PLEKHG7: variants seen among roughly 807,000 people sequenced by gnomAD.
PLEKHG7 encodes pleckstrin homology and RhoGEF domain containing G7.
Under a neutral mutation model 85.2 loss-of-function variants are expected in PLEKHG7, and 77 were observed. The observed-to-expected ratio is 0.90, with a 90% CI of 0.75 to 1.09. The LOEUF (loss-of-function observed/expected upper bound fraction) is 1.09, where lower values mean the gene tolerates loss of function less well. Ranked by LOEUF, PLEKHG7 falls within the 50% of genes least tolerant of loss-of-function variation. The pLI is 0.00. For synonymous variants in PLEKHG7, 301 were observed against 302.4 expected (o/e 1.00, Z 0.05); for missense variants, 777 against 804.3 (o/e 0.97, Z 0.41).
chr12:92,735,602 T>C (rs1424695154), intron 5 of PLEKHG7, among the ~76,000 whole-genome samples: 2 of 152,234 alleles, frequency 1.3e-5, no homozygotes, highest in Admixed American at 6.5e-5. Context: ...GCCTTGCACA[T>C]TGTTATTTGA....
In PLEKHG7 at chr12:92,739,675, A is replaced by C. The variant is rs149031399; in HGVS notation, c.940-1178A>C. On this transcript the variant is annotated intron_variant, in intron 7 of 16. Transcript: ENST00000344636. ...TTTCCAAAAGTGCTTATGAATTAAA[A>C]ATTTGTAACTCATATAATAAATATA... 7.3e-3 allele frequency among the ~76,000 whole-genome samples: 1,116 copies of C among 152,344 alleles called. 16 individuals carry two copies. The highest frequency in any genetic ancestry group is 0.026 in the African/African-American group (1,067 of 41,572).
chr12:92,728,976 T>G lies in PLEKHG7; in HGVS notation c.531-17T>G. On this transcript the variant is annotated splice_polypyrimidine_tract_variant and intron_variant, in intron 3 of 16. Coordinates refer to ENST00000344636, the MANE Select transcript of PLEKHG7 (RefSeq NM_001377329.1). Reference sequence around the variant, plus strand: ...ATGATATTTCGGTGTGGTTTTCCTTTTATCTCTTGAGCACAGGTTCTACGA... The same window carrying G: ...ATGATATTTCGGTGTGGTTTTCCTTGTATCTCTTGAGCACAGGTTCTACGA... 8.1e-7 allele frequency: 1 copy of G among 1,231,316 alleles called. No homozygotes were observed. Among genetic ancestry groups the G allele is most frequent in the Non-Finnish European group, 1.0e-6 (1 of 987,314 alleles). 76.3% of individuals were successfully genotyped at this position (1,231,316 alleles called of 1,614,324 possible). A position where few individuals can be genotyped will look rare whatever the true frequency, so the allele number is the denominator to read the frequency against.
In PLEKHG7 at chr12:92,770,208, A is replaced by G; in HGVS notation, c.*13A>G. 6.6e-7 allele frequency: 1 copy of G among 1,520,166 alleles called. No individual in the cohort carries two copies. Among genetic ancestry groups the G allele is most frequent in the Non-Finnish European group, 9.0e-7 (1 of 1,105,060 alleles). The allele number at this position is 1,520,166 out of a possible 1,614,324, so 94.2% of individuals were successfully genotyped here. A position where few individuals can be genotyped will look rare whatever the true frequency, so the allele number is the denominator to read the frequency against. On this transcript the variant is annotated 3_prime_UTR_variant, in exon 17 of 17. Coordinates refer to ENST00000344636, the MANE Select transcript of PLEKHG7 (RefSeq NM_001377329.1). The stretch of plus-strand genomic sequence containing the variant: ...CTCTGAAATTTAGGGACCTAAAACA[A>G]GTGGCATGTCTTTTTAGAAGATTAT...
intron 10 of PLEKHG7, among the ~76,000 whole-genome samples, chr12:92,753,886 C>A (rs545627553): frequency 4.6e-5 from 7 of 152,202 alleles, no homozygotes; most frequent in Non-Finnish European, 1.0e-4. Context: ...TGGAACCCAC[C>A]TATTACTACA....
chr12:92,711,992 A>G (rs1871375836), intron 3 of PLEKHG7, among the ~76,000 whole-genome samples: 1 of 152,206 alleles, frequency 6.6e-6, no homozygotes, highest in African/African-American at 2.4e-5. Flanking sequence ...AAATGTAGCA[A>G]CTTATCTTTC....
Position 92,756,251 on chromosome 12 carries a change from T to C in PLEKHG7, c.1543-47T>C, listed in dbSNP as rs1237179279. On this transcript the variant is annotated intron_variant, in intron 12 of 16. Coordinates refer to ENST00000344636, the MANE Select transcript of PLEKHG7 (RefSeq NM_001377329.1). ...CCCCAGCTTTTTAAACATGTTCTCT[T>C]CCAATCACTAACAACATCTCTTTTA... The C allele has an allele frequency of 2.1e-6, 3 of 1,416,118 alleles. No homozygotes were observed. The South Asian group carries it at 3.5e-5, about 17-fold the overall frequency. The allele number at this position is 1,416,118 out of a possible 1,614,324, so 87.7% of individuals were successfully genotyped here.
chr12:92,727,605 T>C (rs1021255005), intron 3 of PLEKHG7, among the ~76,000 whole-genome samples: 3 of 152,034 alleles, frequency 2.0e-5, no homozygotes, highest in Non-Finnish European at 4.4e-5. Flanking sequence ...CTTTTTTTTT[T>C]CCAGACAGAG....
chr12:92,755,790 A>C (rs1275340696), intron 11 of PLEKHG7, 35 bp from the exon 12 acceptor site: 13 of 1,371,898 alleles, frequency 9.5e-6, no homozygotes, highest in Non-Finnish European at 1.3e-5. Flanking sequence ...TGTCATATGC[A>C]CCTAAAAATA....
At chr12:92,733,858 T>A (rs1012515688) in intron 5 of PLEKHG7, among the ~76,000 whole-genome samples, 3 of 152,204 alleles carry the variant, frequency 2.0e-5, no homozygotes, top group Non-Finnish European at 4.4e-5. Context: ...GTTGAGCAAC[T>A]GGGCCAAGTA....
At chr12:92,753,754 A>G (rs754531290) in intron 10 of PLEKHG7, among the ~76,000 whole-genome samples, 2 of 152,198 alleles carry the variant, frequency 1.3e-5, no homozygotes, top group African/African-American at 2.4e-5. Context: ...CAATTGTCCT[A>G]ACTGCATCAC....
At chr12:92,745,835 TA>T (rs1395790594) in intron 10 of PLEKHG7, among the ~76,000 whole-genome samples, 2 of 152,196 alleles carry the variant, frequency 1.3e-5, no homozygotes, top group Non-Finnish European at 1.5e-5. Context: ...GGCTGGGGCT[TA>T]AAAATGTTTT....
chr12:92,762,577 A>G (rs941441868), intron 14 of PLEKHG7, among the ~76,000 whole-genome samples: 2 of 152,140 alleles, frequency 1.3e-5, no homozygotes, highest in East Asian at 1.9e-4. Context: ...CTTTCTGTCT[A>G]ATTTACTATT....
In PLEKHG7 at chr12:92,729,129, C is replaced by T; in HGVS notation, c.658+9C>T. ...TCTGCTGCTGAATTCAGGTTCTGTT[C>T]ATTCAGTATACTTTCATTCCATGCC... On this transcript the variant is annotated intron_variant, in intron 4 of 16. Coordinates refer to ENST00000344636, the MANE Select transcript of PLEKHG7 (RefSeq NM_001377329.1). 8.1e-7 allele frequency: 1 copy of T among 1,231,614 alleles called. No homozygotes were observed. The highest frequency in any genetic ancestry group is 1.0e-6 in the Non-Finnish European group (1 of 987,696). The allele number at this position is 1,231,614 out of a possible 1,614,324, so 76.3% of individuals were successfully genotyped here.
chr12:92,769,194 G>T, intron 16 of PLEKHG7, 114 bp downstream of exon 16: 2 of 754,116 alleles, frequency 2.7e-6, no homozygotes, highest in Non-Finnish European at 4.2e-6. Context: ...ACCCACTTGG[G>T]AAGGGCAGAT....
chr12:92,752,287 C>A (rs1280515304), intron 10 of PLEKHG7, among the ~76,000 whole-genome samples: 1 of 152,020 alleles, frequency 6.6e-6, no homozygotes, highest in South Asian at 2.1e-4. Flanking sequence ...AAAATAAATA[C>A]GTATACTCAC....
Position 92,706,645 on chromosome 12 carries a change from A to T in PLEKHG7, c.14A>T (p.Glu5Val). ...CCTCTTAGCTTTATGGAGAAAACAG[A>T]GTCATTCTGTCCAGAGGTGCCACCC... is the stretch of plus-strand genomic sequence containing the variant. The part of the protein sequence containing the change: MEKT[E>V]SFCPEVPPQD... The change falls in exon 2 of 17, where the codon GAG (glutamate) becomes GTG (valine). Residue 5 changes from glutamate to valine, a missense_variant. This residue lies in a region of PLEKHG7 where 252 missense variants were observed against 241.9 expected (regional missense o/e 1.04). Transcript: ENST00000344636. 1 of 1,609,418 alleles carries T rather than the reference A, an allele frequency of 6.2e-7. No individual in the cohort carries two copies. The highest frequency in any genetic ancestry group is 8.5e-7 in the Non-Finnish European group (1 of 1,178,172).
At chr12:92,753,978 G>A in intron 10 of PLEKHG7, 112 bp from the exon 11 acceptor site, 2 of 1,051,970 alleles carry the variant, frequency 1.9e-6, no homozygotes, top group East Asian at 2.4e-5. Context: ...AAACTCACAA[G>A]TAGGTCCTGC....
At chr12:92,704,679 A>G (rs966547240) in intron 1 of PLEKHG7, among the ~76,000 whole-genome samples, 1 of 152,226 alleles carries the variant, frequency 6.6e-6, no homozygotes, top group East Asian at 1.9e-4. Context: ...GTTAGTTTGC[A>G]TCTAAGTTGT....
rs1308573427 is a variant in PLEKHG7 at position 92,706,563 on chromosome 12, T to C, written c.-69T>C. 32 of 1,508,096 alleles carry C rather than the reference T, an allele frequency of 2.1e-5. No individual in the cohort carries two copies. The highest frequency in any genetic ancestry group is 2.8e-5 in the Non-Finnish European group (32 of 1,131,788). 93.4% of individuals were successfully genotyped at this position (1,508,096 alleles called of 1,614,324 possible). On this transcript the variant is annotated 5_prime_UTR_variant, in exon 2 of 17. An upstream start codon of the reference 5' UTR is lost. Transcript: ENST00000344636. ...GGATGCAGAAATTGAGCACCCTCCA[T>C]GTGATCCAGAGAACAGCAACTCATA...
Sources: gnomAD v4.1 joint callset for allele counts (sites outside exome capture counted in the v4.1 genomes callset) on GRCh38, gnomAD v4.1.1 for gene constraint, gnomAD v4.1.1 regional missense constraint, MANE v1.5 for transcripts, NCBI Gene and HGNC (gene_info 2026-07-23, HGNC 2026-07-21) for gene names.